The following HLF variants were observed in gnomAD, a reference collection of about 807,000 sequenced individuals.
HLF encodes hepatic leukemia factor.
Under a neutral mutation model 22.6 loss-of-function variants are expected in HLF, and 3 were observed. The ratio of observed to expected loss-of-function variants is 0.13; its 90% CI spans 0.06 to 0.34. The LOEUF is 0.34. HLF is among the 10% of genes least tolerant of loss of function. HLF has a pLI of 1.00. For synonymous variants in HLF, 151 were observed against 151.8 expected (o/e 0.99, Z 0.04); for missense variants, 299 against 389.2 (o/e 0.77, Z 1.95).
At chr17:55,272,778 A>G (rs2080869935) in intron 2 of HLF, 1 of 152,230 alleles carries the variant, frequency 6.6e-6, no homozygotes, top group South Asian at 2.1e-4. Context: ...ACTTTTCCCA[A>G]TATTATGAGG....
chr17:55,286,409 T>C (rs551035418), intron 2 of HLF, among the ~76,000 whole-genome samples: 5 of 152,224 alleles, frequency 3.3e-5, no homozygotes, highest in Admixed American at 2.0e-4. Flanking sequence ...AAAACAAATA[T>C]CTAATTTCAA....
intron 2 of HLF, among the ~76,000 whole-genome samples, chr17:55,299,812 T>C (rs1026457383): frequency 1.3e-5 from 2 of 151,826 alleles, no homozygotes; most frequent in African/African-American, 4.9e-5. Context: ...CTCCCAGTCA[T>C]ATTGTTCCTC....
chr17:55,265,026 G>C lies in HLF; in HGVS notation c.-459G>C. On this transcript the variant is annotated 5_prime_UTR_variant, in exon 1 of 4. Coordinates refer to ENST00000226067, the MANE Select transcript of HLF (RefSeq NM_002126.5). ...GAGCCCGGCGCTGCGGGGCCGCGGA[G>C]CGCTGGGGAGCAGCGGCCGCCGGCG... 6.3e-6 allele frequency: 1 copy of C among 159,996 alleles called. No individual in the cohort carries two copies. The highest frequency in any genetic ancestry group is 1.2e-4 in the East Asian group (1 of 8,202). The allele number at this position is 159,996 out of a possible 1,614,324, so 9.9% of individuals were successfully genotyped here.
At chr17:55,273,755 CTTT>C (rs11319874) in intron 2 of HLF, 19 of 140,478 alleles carry the variant, frequency 1.4e-4, no homozygotes, top group East Asian at 2.1e-4. Flanking sequence ...TGCTGGCTTG[CTTT>C]TTTTTTTTTT....
In HLF at chr17:55,299,368, C is replaced by T. The variant is rs189999797; in HGVS notation, c.452-15859C>T. ...TCGTAGGCTGTTGAGGCTATCTCTA[C>T]GGGCATTTTCACCTATCCTGCCTAC... On this transcript the variant is annotated intron_variant, in intron 2 of 3. Coordinates refer to ENST00000226067, the MANE Select transcript of HLF (RefSeq NM_002126.5). 5.9e-5 allele frequency among the ~76,000 whole-genome samples: 9 copies of T among 152,272 alleles called. No individual in the cohort carries two copies. The East Asian group carries it at 1.2e-3, about 20-fold the overall frequency.
Position 55,265,205 on chromosome 17 carries a change from G to C in HLF, c.-280G>C. ...ACATTTTGCAAAACGAGGGGTTCGA[G>C]GCAGGTGAGAGCATCCTGCACGTCG... On this transcript the variant is annotated 5_prime_UTR_variant, in exon 1 of 4. Coordinates refer to ENST00000226067, the MANE Select transcript of HLF (RefSeq NM_002126.5). 1 of 321,372 alleles carries C rather than the reference G, an allele frequency of 3.1e-6. No individual in the cohort carries two copies. Among genetic ancestry groups the C allele is most frequent in the East Asian group, 4.9e-5 (1 of 20,286 alleles). The allele number at this position is 321,372 out of a possible 1,614,324, so 19.9% of individuals were successfully genotyped here.
intron 2 of HLF, among the ~76,000 whole-genome samples, chr17:55,303,139 TA>T: frequency 6.6e-6 from 1 of 152,284 alleles, no homozygotes; most frequent in East Asian, 1.9e-4. Context: ...ATAGCAGGGA[TA>T]TGAGAAGGGG....
chr17:55,324,254 A>G lies in HLF; in HGVS notation c.*3375A>G, dbSNP rs898174490. ...TGGGTGGAATGGAAACCTGTACTAGACCACCCAGAGGTTCCTTCTAACCCA... is the reference window on the plus strand; with the variant it reads ...TGGGTGGAATGGAAACCTGTACTAGGCCACCCAGAGGTTCCTTCTAACCCA... On this transcript the variant is annotated 3_prime_UTR_variant, in exon 4 of 4. Coordinates refer to ENST00000226067, the MANE Select transcript of HLF (RefSeq NM_002126.5). 8.8e-6 allele frequency: 2 copies of G among 225,998 alleles called. No homozygotes were observed. Among genetic ancestry groups the G allele is most frequent in the African/African-American group, 4.5e-5 (2 of 44,908 alleles). The allele number at this position is 225,998 out of a possible 1,614,324, so 14.0% of individuals were successfully genotyped here. A position where few individuals can be genotyped will look rare whatever the true frequency, so the allele number is the denominator to read the frequency against.
At chr17:55,276,238 G>A (rs1303675107) in intron 2 of HLF, among the ~76,000 whole-genome samples, 4 of 152,224 alleles carry the variant, frequency 2.6e-5, no homozygotes, top group African/African-American at 9.6e-5. Context: ...CTGAGGAAGA[G>A]AGACAAGAGT....
chr17:55,297,515 A>G (rs560166941), intron 2 of HLF, among the ~76,000 whole-genome samples: 3 of 152,178 alleles, frequency 2.0e-5, no homozygotes, highest in African/African-American at 7.2e-5. Context: ...TCTAAGAATT[A>G]TCCATCTTAG....
chr17:55,322,959 G>T lies in HLF; in HGVS notation c.*2080G>T. The T allele has an allele frequency of 4.5e-6, 1 of 222,400 alleles. No homozygotes were observed. The highest frequency in any genetic ancestry group is 9.0e-6 in the Non-Finnish European group (1 of 111,294). 13.8% of individuals were successfully genotyped at this position (222,400 alleles called of 1,614,324 possible). A position where few individuals can be genotyped will look rare whatever the true frequency, so the allele number is the denominator to read the frequency against. On this transcript the variant is annotated 3_prime_UTR_variant, in exon 4 of 4. Coordinates refer to ENST00000226067, the MANE Select transcript of HLF (RefSeq NM_002126.5). ...CTGTTACGACAAAGAAACATTTTAC[G>T]CTAGATTAAAATATCCTTTCATCAA...
chr17:55,272,068 G>C (rs542190577), intron 2 of HLF: 2 of 152,228 alleles, frequency 1.3e-5, no homozygotes, highest in Non-Finnish European at 2.9e-5. Context: ...GGTTCTTGGA[G>C]GCCAGAGCTA....
In HLF at chr17:55,321,401, C is replaced by T. The variant is rs571954904; in HGVS notation, c.*522C>T. ...ACAATAACTTAGCACTACTCCGCAG[C>T]TCTAGTCCTTTATAAGTTGCTTTCC... is the stretch of plus-strand genomic sequence containing the variant. On this transcript the variant is annotated 3_prime_UTR_variant, in exon 4 of 4. Coordinates refer to ENST00000226067, the MANE Select transcript of HLF (RefSeq NM_002126.5). The T allele has an allele frequency of 4.3e-6, 1 of 233,256 alleles. No homozygotes were observed. Among genetic ancestry groups the T allele is most frequent in the African/African-American group, 2.2e-5 (1 of 45,442 alleles). 14.4% of individuals were successfully genotyped at this position (233,256 alleles called of 1,614,324 possible).
At chr17:55,297,738 CTTTTTTTTTTTTT>C (rs34900287) in intron 2 of HLF, among the ~76,000 whole-genome samples, 3 of 62,890 alleles carry the variant, frequency 4.8e-5, no homozygotes, top group Admixed American at 5.0e-4. Context: ...AACAGCATTT[CTTTTTTTTTTTTT>C]TTTTTTTTTT....
intron 2 of HLF, chr17:55,272,175 A>G (rs1357155863): frequency 1.3e-5 from 2 of 152,284 alleles, no homozygotes; most frequent in Admixed American, 1.3e-4. Flanking sequence ...CAATGTTTGC[A>G]TTTTAGATAC....
chr17:55,287,242 A>G (rs2081012627), intron 2 of HLF, among the ~76,000 whole-genome samples: 1 of 152,204 alleles, frequency 6.6e-6, no homozygotes, highest in African/African-American at 2.4e-5. Flanking sequence ...CAGAAGTTTT[A>G]TTTGGAGCTT....
At chr17:55,284,925 T>G (rs966799460) in intron 2 of HLF, among the ~76,000 whole-genome samples, 1 of 152,080 alleles carries the variant, frequency 6.6e-6, no homozygotes, top group Non-Finnish European at 1.5e-5. Flanking sequence ...CCTCCTCCCT[T>G]CCCAAGATAT....
intron 3 of HLF, among the ~76,000 whole-genome samples, chr17:55,319,470 A>G (rs930804632): frequency 1.3e-5 from 2 of 152,092 alleles, no homozygotes; most frequent in African/African-American, 4.8e-5. Flanking sequence ...ACCAGGTGCC[A>G]CCATCAGTGA....
chr17:55,276,467 A>G (rs1190554748), intron 2 of HLF, among the ~76,000 whole-genome samples: 1 of 152,236 alleles, frequency 6.6e-6, no homozygotes, highest in Non-Finnish European at 1.5e-5. Flanking sequence ...GCCAGACCTC[A>G]CAGGAAGAAG....
Sources: gnomAD v4.1 joint callset for allele counts (sites outside exome capture counted in the v4.1 genomes callset) on GRCh38, gnomAD v4.1.1 for gene constraint, MANE v1.5 for transcripts, NCBI Gene and HGNC (gene_info 2026-07-23, HGNC 2026-07-21) for gene names.